The following CDKAL1 variants were observed in gnomAD, a reference collection of about 807,000 sequenced individuals.
The protein encoded by CDKAL1 is CDKAL1 threonylcarbamoyladenosine tRNA methylthiotransferase.
In CDKAL1, 32 loss-of-function variants were observed where a neutral mutation model predicts 68.2. The ratio of observed to expected loss-of-function variants is 0.47; its 90% CI spans 0.35 to 0.63. The LOEUF is 0.63. CDKAL1 is among the 30% of genes least tolerant of loss of function. The pLI, the probability that CDKAL1 is intolerant of heterozygous loss-of-function variation, is 0.00. For missense variants in CDKAL1, 606 were observed against 696.7 expected (o/e 0.87, Z 1.47); for synonymous variants, 234 against 244.3 (o/e 0.96, Z 0.39).
intron 9 of CDKAL1, among the ~76,000 whole-genome samples, chr6:20,907,710 GGGAGTTGGGGCATCAGA>G (rs2150614476): frequency 6.6e-6 from 1 of 152,268 alleles, no homozygotes; most frequent in Non-Finnish European, 1.5e-5. Flanking sequence ...AGGGCCAATG[GGGAGTTGGGGCATCAGA>G]GGAGTCAGCA....
chr6:20,930,849 A>G (rs1259228283), intron 9 of CDKAL1, among the ~76,000 whole-genome samples: 1 of 151,912 alleles, frequency 6.6e-6, no homozygotes, highest in Non-Finnish European at 1.5e-5. Context: ...AGTTCAAGCA[A>G]TTCTGCTGCC....
intron 5 of CDKAL1, among the ~76,000 whole-genome samples, chr6:20,658,618 G>T (rs1284839527): frequency 6.7e-6 from 1 of 149,832 alleles, no homozygotes; most frequent in Non-Finnish European, 1.5e-5. Flanking sequence ...GAAGTTGGGG[G>T]AGGTACCAGA....
chr6:21,043,133 C>T (rs912079778), intron 11 of CDKAL1, among the ~76,000 whole-genome samples: 40 of 152,144 alleles, frequency 2.6e-4, no homozygotes, highest in Non-Finnish European at 1.5e-5. Context: ...CCTAACTTAG[C>T]AGTAAGTGAG....
At chr6:20,926,936 T>TAGAG (rs1324136995) in intron 9 of CDKAL1, among the ~76,000 whole-genome samples, 1 of 148,358 alleles carries the variant, frequency 6.7e-6, no homozygotes, top group Non-Finnish European at 1.5e-5. Flanking sequence ...TATATATATA[T>TAGAG]ATAGAGAGAG....
chr6:20,604,353 A>G (rs534084490), intron 4 of CDKAL1, among the ~76,000 whole-genome samples: 1 of 152,234 alleles, frequency 6.6e-6, no homozygotes, highest in African/African-American at 2.4e-5. Flanking sequence ...TGAGTCCCTG[A>G]TATGGCACCA....
intron 4 of CDKAL1, among the ~76,000 whole-genome samples, chr6:20,598,792 AC>A (rs1418332387): frequency 2.6e-5 from 4 of 152,148 alleles, no homozygotes; most frequent in African/African-American, 9.6e-5. Context: ...ATATGCTTAA[AC>A]ATTGGCGTTT....
intron 4 of CDKAL1, among the ~76,000 whole-genome samples, chr6:20,647,554 C>G (rs952828197): frequency 4.6e-5 from 7 of 152,000 alleles, no homozygotes; most frequent in Admixed American, 3.3e-4. Context: ...GTAGTAAAGA[C>G]AGGCCAAAAA....
At chr6:20,676,059 T>C (rs1770080385) in intron 5 of CDKAL1, among the ~76,000 whole-genome samples, 1 of 152,164 alleles carries the variant, frequency 6.6e-6, no homozygotes, top group Admixed American at 6.6e-5. Flanking sequence ...AAAAAAAGGT[T>C]ATGGAATAAA....
intron 8 of CDKAL1, among the ~76,000 whole-genome samples, chr6:20,801,353 T>A (rs1383180726): frequency 6.6e-6 from 1 of 152,236 alleles, no homozygotes; most frequent in Non-Finnish European, 1.5e-5. Flanking sequence ...AATTTTATTA[T>A]GAAAAATTTC....
At chr6:20,819,931 A>G (rs1473790861) in intron 8 of CDKAL1, among the ~76,000 whole-genome samples, 4 of 152,184 alleles carry the variant, frequency 2.6e-5, no homozygotes, top group Admixed American at 2.6e-4. Context: ...GCTTTCAGTG[A>G]TGCCTCGCAC....
intron 9 of CDKAL1, among the ~76,000 whole-genome samples, chr6:20,907,220 G>A (rs1220864396): frequency 1.3e-5 from 2 of 152,086 alleles, no homozygotes; most frequent in African/African-American, 4.8e-5. Context: ...AAATGTTTAA[G>A]ATGACCAGCC....
chr6:20,877,040 T>C (rs1436047843), intron 9 of CDKAL1, among the ~76,000 whole-genome samples: 1 of 152,218 alleles, frequency 6.6e-6, no homozygotes, highest in African/African-American at 2.4e-5. Context: ...GGTCTGGTGA[T>C]GATGGTTCCA....
At chr6:20,664,349 A>G (rs188406832) in intron 5 of CDKAL1, among the ~76,000 whole-genome samples, 1 of 152,278 alleles carries the variant, frequency 6.6e-6, no homozygotes, top group Admixed American at 6.5e-5. Context: ...TCTCTTTAAC[A>G]ATATGTTTTA....
intron 10 of CDKAL1, among the ~76,000 whole-genome samples, chr6:20,970,518 G>A (rs543789157): frequency 6.6e-6 from 1 of 152,158 alleles, no homozygotes; most frequent in Admixed American, 6.5e-5. Flanking sequence ...TGCCTGAAAA[G>A]GGGCTGCCTT....
chr6:20,966,655 A>C (rs11752712), intron 10 of CDKAL1, among the ~76,000 whole-genome samples: 72,689 of 152,024 alleles, frequency 0.48, 18,723 homozygotes, highest in East Asian at 0.65. Flanking sequence ...TATCAATATA[A>C]CATTGATTAG....
intron 4 of CDKAL1, among the ~76,000 whole-genome samples, chr6:20,582,694 T>G (rs1561941714): frequency 4.6e-5 from 7 of 152,220 alleles, no homozygotes. Context: ...TTTTTCCTCC[T>G]GTAGAAGCAT....
intron 13 of CDKAL1, among the ~76,000 whole-genome samples, chr6:21,144,749 A>G (rs1435177649): frequency 6.6e-6 from 1 of 151,968 alleles, no homozygotes; most frequent in Non-Finnish European, 1.5e-5. Context: ...GCAGTGAGCC[A>G]TGATCATTAT....
At chr6:21,228,502 G>A (rs1779834597) in intron 15 of CDKAL1, among the ~76,000 whole-genome samples, 1 of 152,206 alleles carries the variant, frequency 6.6e-6, no homozygotes, top group African/African-American at 2.4e-5. Context: ...TGTGACTCAA[G>A]TAGAATAGCT....
intron 10 of CDKAL1, among the ~76,000 whole-genome samples, chr6:20,978,568 T>A (rs1299548075): frequency 6.6e-6 from 1 of 152,192 alleles, no homozygotes; most frequent in East Asian, 1.9e-4. Flanking sequence ...ATACAGATGC[T>A]GTAAAGTTGA....
Sources: gnomAD v4.1 joint callset for allele counts (sites outside exome capture counted in the v4.1 genomes callset) on GRCh38, gnomAD v4.1.1 for gene constraint, MANE v1.5 for transcripts, NCBI Gene and HGNC (gene_info 2026-07-23, HGNC 2026-07-21) for gene names.